Variants in STAB2 observed in about 807,000 individuals in gnomAD.
STAB2 encodes the protein stabilin 2.
A neutral mutation model predicts 338.1 loss-of-function variants in STAB2; 288 were observed. The ratio of observed to expected loss-of-function variants is 0.85; its 90% CI spans 0.77 to 0.94. The LOEUF (loss-of-function observed/expected upper bound fraction) is 0.94. Ranked by LOEUF, STAB2 falls within the 40% of genes least tolerant of loss-of-function variation. The pLI, the probability that STAB2 is intolerant of heterozygous loss-of-function variation, is 0.00. For missense variants in STAB2, 3,141 were observed against 3,210.1 expected, an observed-to-expected ratio of 0.98 and a Z score of 0.52; for synonymous variants, 1,202 against 1,193.3, an observed-to-expected ratio of 1.01 and a Z score of -0.15.
At chr12:103,742,818 A>T (rs1474484815) in intron 56 of STAB2, among the ~76,000 whole-genome samples, 1 of 152,220 alleles carries the variant, frequency 6.6e-6, no homozygotes, top group Non-Finnish European at 1.5e-5. Flanking sequence ...CGATCATTCA[A>T]CCAATGTGGA....
intron 18 of STAB2, among the ~76,000 whole-genome samples, chr12:103,666,052 G>C (rs1012874221): frequency 6.6e-6 from 1 of 152,182 alleles, no homozygotes; most frequent in Non-Finnish European, 1.5e-5. Flanking sequence ...AAAGGGGGCT[G>C]CTCTGAGCAG....
At chr12:103,760,543 G>A (rs1361074326) in intron 65 of STAB2, among the ~76,000 whole-genome samples, 1 of 152,174 alleles carries the variant, frequency 6.6e-6, no homozygotes, top group African/African-American at 2.4e-5. Flanking sequence ...TCACAGGGGT[G>A]AGCTACCATG....
intron 26 of STAB2, among the ~76,000 whole-genome samples, 193 bp downstream of exon 26, chr12:103,683,493 T>C (rs1877120250): frequency 6.6e-6 from 1 of 152,208 alleles, no homozygotes; most frequent in Non-Finnish European, 1.5e-5. Flanking sequence ...AACATATGAC[T>C]TCCAGGTAAA....
At position 103,728,870 on chromosome 12, in the gene STAB2, G is replaced by A. The variant is rs760386961; in HGVS notation, c.4957G>A (p.Gly1653Ser). The change falls in exon 48 of 69, where the codon GGT becomes AGT. Residue 1653 changes from glycine (G) to serine (S), a missense_variant. Transcript: ENST00000388887. ...ACAGGTTAAAGACTGGGACAAATAC[G>A]GTTTAATGCCCCAGGTTCTTCGGTA... is the stretch of plus-strand genomic sequence containing the variant. ...EARVKDWDKY[G>S]LMPQVLRYHV... 7.5e-5 allele frequency: 121 copies of A among 1,613,800 alleles called. No homozygotes were observed. Among genetic ancestry groups the A allele is most frequent in the Non-Finnish European group, 8.8e-5 (104 of 1,179,868 alleles).
At position 103,745,272 on chromosome 12, in the gene STAB2, A is replaced by G. The variant is rs1566069385; in HGVS notation, c.6131A>G (p.Gln2044Arg). Residue 2044 changes from glutamine (Q) to arginine (R), a missense_variant, in exon 57 of 69, where the codon CAG becomes CGG. Gln to Arg is a conservative substitution (Grantham distance 43). Transcript: ENST00000388887. ...TGWTGPSCDT[Q>R]AVLPAVCTPP... Reference sequence around the variant, plus strand: ...TGGACAGGCCCCTCGTGTGACACTCAGGCAGGTCAGTCATGGGAGTGGTCA... The same window carrying G: ...TGGACAGGCCCCTCGTGTGACACTCGGGCAGGTCAGTCATGGGAGTGGTCA... 6.2e-7 allele frequency: 1 copy of G among 1,612,984 alleles called. No homozygotes were observed. The highest frequency in any genetic ancestry group is 1.7e-5 in the Admixed American group (1 of 59,960).
intron 11 of STAB2, 107 bp from the exon 12 acceptor site, chr12:103,652,448 GT>G: frequency 2.8e-6 from 3 of 1,078,236 alleles, no homozygotes; most frequent in Non-Finnish European, 3.8e-6. Flanking sequence ...CCAAACCCAA[GT>G]TAGGGTGCCC....
Position 103,637,207 on chromosome 12 carries a change from A to C in STAB2, c.680A>C (p.Asn227Thr). ...AAACTGGAATGCAAATGCCTTCCCA[A>C]TTACCGAGGCGATGGCAAATACTGC... ...ENKLECKCLP[N>T]YRGDGKYCDP... Residue 227 changes from asparagine (N) to threonine (T), a missense_variant, in exon 7 of 69, where the codon AAT becomes ACT. Coordinates refer to ENST00000388887, the MANE Select transcript of STAB2 (RefSeq NM_017564.10). The C allele has an allele frequency of 6.2e-7, 1 of 1,612,326 alleles. No homozygotes were observed. Among genetic ancestry groups the C allele is most frequent in the Non-Finnish European group, 8.5e-7 (1 of 1,179,506 alleles).
At chr12:103,615,932 T>G (rs567647830) in intron 3 of STAB2, among the ~76,000 whole-genome samples, 1 of 152,270 alleles carries the variant, frequency 6.6e-6, no homozygotes, top group African/African-American at 2.4e-5. Context: ...CACATGGGGA[T>G]TATAATTCAA....
chr12:103,727,876 T>A (rs979730241), intron 47 of STAB2, among the ~76,000 whole-genome samples: 1 of 152,154 alleles, frequency 6.6e-6, no homozygotes, highest in Non-Finnish European at 1.5e-5. Flanking sequence ...TCTGCTGTGA[T>A]CCTCATTTTA....
intron 38 of STAB2, 66 bp downstream of exon 38, chr12:103,707,053 G>C (rs750075926): frequency 7.0e-6 from 11 of 1,564,234 alleles, no homozygotes; most frequent in Non-Finnish European, 9.6e-6. Context: ...TGCAGGGAAA[G>C]AGTGATCCCA....
At chr12:103,638,841 C>T (rs1436709974) in intron 8 of STAB2, among the ~76,000 whole-genome samples, 3 of 152,174 alleles carry the variant, frequency 2.0e-5, no homozygotes, top group African/African-American at 7.2e-5. Context: ...TCCATAACTG[C>T]ACATCAAGCC....
At chr12:103,709,779 G>A (rs1055838862) in intron 39 of STAB2, among the ~76,000 whole-genome samples, 2 of 152,212 alleles carry the variant, frequency 1.3e-5, no homozygotes, top group Admixed American at 1.3e-4. Flanking sequence ...ACAGAGCCAG[G>A]CTTCTGAGAG....
intron 30 of STAB2, among the ~76,000 whole-genome samples, chr12:103,690,889 T>C (rs1593240817): frequency 6.6e-6 from 1 of 152,242 alleles, no homozygotes; most frequent in African/African-American, 2.4e-5. Flanking sequence ...TAATTGAATC[T>C]GTATAGAGAA....
intron 6 of STAB2, 27 bp from the exon 7 acceptor site, chr12:103,637,084 A>G (rs1338646595): frequency 6.3e-7 from 1 of 1,584,166 alleles, no homozygotes; most frequent in Admixed American, 1.9e-5. Flanking sequence ...CTACTAATGC[A>G]AGTACTTCAA....
At chr12:103,608,098 A>G (rs1957061244) in intron 3 of STAB2, among the ~76,000 whole-genome samples, 1 of 152,240 alleles carries the variant, frequency 6.6e-6, no homozygotes, top group South Asian at 2.1e-4. Flanking sequence ...GTGAGATGGT[A>G]TCTCGTTGTG....
At chr12:103,680,636 A>G (rs965557765) in intron 25 of STAB2, among the ~76,000 whole-genome samples, 3 of 152,208 alleles carry the variant, frequency 2.0e-5, no homozygotes, top group African/African-American at 7.2e-5. Context: ...CACTCCCATC[A>G]GCCCTTGTGC....
intron 49 of STAB2, among the ~76,000 whole-genome samples, 183 bp downstream of exon 49, chr12:103,730,439 G>T (rs1409439788): frequency 6.6e-6 from 1 of 152,190 alleles, no homozygotes; most frequent in African/African-American, 2.4e-5. Flanking sequence ...ATCTTAAATT[G>T]ATAAGTGGGT....
chr12:103,638,063 A>G lies in STAB2; in HGVS notation c.757A>G (p.Thr253Ala), dbSNP rs1431264565. 6.2e-7 allele frequency: 1 copy of G among 1,614,190 alleles called. No individual in the cohort carries two copies. The highest frequency in any genetic ancestry group is 1.1e-5 in the South Asian group (1 of 91,070). ...AATCTGCCACCCTCATGCTCATTGT[A>G]CGTACCTGGGACCAAATCGGCACAG... ...RKICHPHAHC[T>A]YLGPNRHSCT... Residue 253 changes from threonine to alanine, a missense_variant, in exon 8 of 69, where the codon ACG (threonine) becomes GCG (alanine). Physicochemically the swap from Thr to Ala is moderately conservative, Grantham distance 58 (BLOSUM62 0). Coordinates refer to ENST00000388887, the MANE Select transcript of STAB2 (RefSeq NM_017564.10).
chr12:103,688,119 C>G, intron 27 of STAB2, 49 bp from the exon 28 acceptor site: 1 of 1,562,624 alleles, frequency 6.4e-7, no homozygotes, highest in Non-Finnish European at 8.8e-7. Context: ...TGTTCTTTCT[C>G]TGTGTTCTCT....
Sources: gnomAD v4.1 joint callset for allele counts (sites outside exome capture counted in the v4.1 genomes callset) on GRCh38, gnomAD v4.1.1 for gene constraint, MANE v1.5 for transcripts, NCBI Gene and HGNC (gene_info 2026-07-23, HGNC 2026-07-21) for gene names.